The following CHRNG variants were observed in gnomAD, a reference collection of about 807,000 sequenced individuals.
CHRNG encodes the protein acetylcholine receptor subunit gamma.
A neutral mutation model predicts 65.2 loss-of-function variants in CHRNG; 72 were observed. The ratio of observed to expected loss-of-function variants is 1.10; its 90% CI spans 0.91 to 1.34. The LOEUF (loss-of-function observed/expected upper bound fraction) is 1.34. Among genes scored for constraint, CHRNG ranks in the 40% most tolerant of loss-of-function variants. The pLI is 0.00. For missense variants in CHRNG, 637 were observed against 680.1 expected, an observed-to-expected ratio of 0.94 and a Z score of 0.70; for synonymous variants, 284 against 290.2, an observed-to-expected ratio of 0.98 and a Z score of 0.22.
Position 232,544,586 on chromosome 2 carries a change from A to AC in CHRNG, c.1249+7dup. The AC allele has an allele frequency of 6.2e-7, 1 of 1,609,180 alleles. No individual in the cohort carries two copies. The highest frequency in any genetic ancestry group is 8.5e-7 in the Non-Finnish European group (1 of 1,176,428). ...GGCAGCGCTGGAGAAGCTAGGTGAG[A>AC]CACACCAGGTGTGCCTGGGGACAGT... On this transcript the variant is annotated splice_region_variant and intron_variant, in intron 10 of 11. Transcript: ENST00000651502.
In CHRNG at chr2:232,547,351, T is replaced by C. The variant is rs1179722176; in HGVS notation, c.*1635T>C. On this transcript the variant is annotated 3_prime_UTR_variant, in exon 12 of 12. Coordinates refer to ENST00000651502, the MANE Select transcript of CHRNG (RefSeq NM_005199.5). ...GAGGATCGCTTGAGCCCAGGAGGTC[T>C]AGGCTGCAGTGAGCTGTGATCATGT... Among the ~76,000 whole-genome samples the C allele has an allele frequency of 1.3e-5, 2 of 152,050 alleles. No individual in the cohort carries two copies. Among genetic ancestry groups the C allele is most frequent in the African/African-American group, 4.8e-5 (2 of 41,398 alleles).
rs1316198493 is a variant in CHRNG at position 232,547,845 on chromosome 2, C to T, written c.*2129C>T. On this transcript the variant is annotated 3_prime_UTR_variant, in exon 12 of 12. Coordinates refer to ENST00000651502, the MANE Select transcript of CHRNG (RefSeq NM_005199.5). ...ATAAACACTCAAATGTTAACATTAGCTGCCATTACTATAAGTTACTGTCTC... is the reference window on the plus strand; with the variant it reads ...ATAAACACTCAAATGTTAACATTAGTTGCCATTACTATAAGTTACTGTCTC... 3.1e-6 allele frequency: 1 copy of T among 325,870 alleles called. No homozygotes were observed. The highest frequency in any genetic ancestry group is 5.5e-6 in the Non-Finnish European group (1 of 180,568). The allele number at this position is 325,870 out of a possible 1,614,324, so 20.2% of individuals were successfully genotyped here.
rs886263350 is a variant in CHRNG, at chr2:232,541,604, G to T, written c.506+75G>T. On this transcript the variant is annotated intron_variant, in intron 5 of 11. Coordinates refer to ENST00000651502, the MANE Select transcript of CHRNG (RefSeq NM_005199.5). This position sits in a 1 kb window ranked among gnomAD's most constrained non-coding sequence, Gnocchi z 4.0. ...TGGGCAGTGGTGGGGTAAGGCCTGG[G>T]CAAGGCTTCTGGCCTTGGCTCTGGC... is the stretch of plus-strand genomic sequence containing the variant. 4 of 1,563,528 alleles carry T rather than the reference G, an allele frequency of 2.6e-6. No homozygotes were observed. In the African/African-American group the frequency reaches 5.4e-5, roughly 21 times the overall value.
rs1692064970 is a variant in CHRNG at position 232,543,636 on chromosome 2, G to A, written c.972G>A (p.Val324=). 2 of 1,613,892 alleles carry A rather than the reference G, an allele frequency of 1.2e-6. No individual in the cohort carries two copies. Among genetic ancestry groups the A allele is most frequent in the Non-Finnish European group, 1.7e-6 (2 of 1,179,940 alleles). Residue 324 remains valine (V), a synonymous_variant, in exon 9 of 12, where the codon GTG becomes GTA. Transcript: ENST00000651502. ...CCATCCTCATTGTCGTGAATGCTGT[G>A]GTTGTGCTCAATGTCTCCTTGCGGT... The part of the protein sequence containing the change: ...VVTILIVVNA[V]VVLNVSLRSP...
In CHRNG at chr2:232,542,470, A is replaced by G. The variant is rs1692037762; in HGVS notation, c.554A>G (p.Glu185Gly). The change falls in exon 6 of 12, where the codon GAA (glutamate) becomes GGA (glycine). Residue 185 changes from glutamate to glycine, a missense_variant. By Grantham distance (98) the Glu-to-Gly change is moderately conservative (BLOSUM62 -2). Coordinates refer to ENST00000651502, the MANE Select transcript of CHRNG (RefSeq NM_005199.5). ...GAGATTGATCTGCAGCTGAGTCAGG[A>G]AGATGGCCAGACCATCGAGTGGATT... ...TNEIDLQLSQ[E>G]DGQTIEWIFI... 1 of 1,613,966 alleles carries G rather than the reference A, an allele frequency of 6.2e-7. No homozygotes were observed. Among genetic ancestry groups the G allele is most frequent in the Non-Finnish European group, 8.5e-7 (1 of 1,179,990 alleles).
chr2:232,545,883 G>C lies in CHRNG; in HGVS notation c.*167G>C. On this transcript the variant is annotated 3_prime_UTR_variant, in exon 12 of 12. Transcript: ENST00000651502. ...AAAGCTGGGGAAACAGTCTGAGCTG[G>C]AGTCCGAGAGTGGTTGGGGGTGGGC... 1 of 799,508 alleles carries C rather than the reference G, an allele frequency of 1.3e-6. No homozygotes were observed. The highest frequency in any genetic ancestry group is 2.1e-6 in the Non-Finnish European group (1 of 480,300). 49.5% of individuals were successfully genotyped at this position (799,508 alleles called of 1,614,324 possible). A position where few individuals can be genotyped will look rare whatever the true frequency, so the allele number is the denominator to read the frequency against.
intron 9 of CHRNG, among the ~76,000 whole-genome samples, chr2:232,543,944 G>A (rs1692071709): frequency 6.6e-6 from 1 of 152,226 alleles, no homozygotes; most frequent in Non-Finnish European, 1.5e-5. Context: ...TTACAGATGA[G>A]GACGTTGAGG....
chr2:232,539,934 G>A (rs1691978999), intron 1 of CHRNG, 58 bp from the exon 2 acceptor site: 26 of 1,612,866 alleles, frequency 1.6e-5, no homozygotes, highest in Non-Finnish European at 2.2e-5. Context: ...ACACCCCCAG[G>A]GCCTCCCCGC....
chr2:232,540,460 G>A lies in CHRNG; in HGVS notation c.240+35G>A, dbSNP rs1244346394. ...CACCCTGCCACCCTCCTTCCATCAG[G>A]GGTCCCACCCCACCACCCCAAGGCC... On this transcript the variant is annotated intron_variant, in intron 3 of 11. Coordinates refer to ENST00000651502, the MANE Select transcript of CHRNG (RefSeq NM_005199.5). The surrounding 1 kb of genome is among the most constrained non-coding windows in gnomAD (Gnocchi z 4.2). The A allele has an allele frequency of 3.7e-6, 6 of 1,612,096 alleles. No individual in the cohort carries two copies. The highest frequency in any genetic ancestry group is 5.1e-6 in the Non-Finnish European group (6 of 1,179,598).
In CHRNG at chr2:232,541,264, G is replaced by T. The variant is rs1692009393; in HGVS notation, c.351-110G>T. ...AGTCAGGGGGTGACAGGCTGGTAGGGACTGGTGTCCCCAGGCCCCTATCCA... is the reference window on the plus strand; with the variant it reads ...AGTCAGGGGGTGACAGGCTGGTAGGTACTGGTGTCCCCAGGCCCCTATCCA... On this transcript the variant is annotated intron_variant, in intron 4 of 11. Transcript: ENST00000651502. This position sits in a 1 kb window ranked among gnomAD's most constrained non-coding sequence, Gnocchi z 4.0. 7.3e-7 allele frequency: 1 copy of T among 1,368,690 alleles called. No homozygotes were observed. Among genetic ancestry groups the T allele is most frequent in the African/African-American group, 1.4e-5 (1 of 70,136 alleles). 84.8% of individuals were successfully genotyped at this position (1,368,690 alleles called of 1,614,324 possible). A position where few individuals can be genotyped will look rare whatever the true frequency, so the allele number is the denominator to read the frequency against.
At position 232,540,047 on chromosome 2, in the gene CHRNG, C is replaced by G. The variant is rs1376636671; in HGVS notation, c.111C>G (p.Tyr37Ter). The change falls in exon 2 of 12, where the codon TAC becomes TAG. Residue 37 changes from tyrosine to a stop codon, truncating the protein, a stop_gained. Transcript: ENST00000651502. LOFTEE classifies it high-confidence loss of function. The surrounding 1 kb of genome is among the most constrained non-coding windows in gnomAD (Gnocchi z 4.2). The part of the protein sequence containing the change: ...ERLLADLMQN[Y>*]DPNLRPAERD... ...TGCTCGCAGACCTGATGCAAAACTA[C>G]GACCCCAACCTGCGGCCCGCGGAAC... is the stretch of plus-strand genomic sequence containing the variant. The G allele has an allele frequency of 6.2e-7, 1 of 1,614,220 alleles. No individual in the cohort carries two copies. The highest frequency in any genetic ancestry group is 2.2e-5 in the East Asian group (1 of 44,884).
chr2:232,541,998 G>A lies in CHRNG; in HGVS notation c.507-425G>A, dbSNP rs568900316. The A allele has an allele frequency of 3.2e-6, 1 of 313,876 alleles. No homozygotes were observed. The highest frequency in any genetic ancestry group is 8.0e-5 in the East Asian group (1 of 12,536). The allele number at this position is 313,876 out of a possible 1,614,324, so 19.4% of individuals were successfully genotyped here. A position where few individuals can be genotyped will look rare whatever the true frequency, so the allele number is the denominator to read the frequency against. On this transcript the variant is annotated intron_variant, in intron 5 of 11. Transcript: ENST00000651502. This position sits in a 1 kb window ranked among gnomAD's most constrained non-coding sequence, Gnocchi z 4.0. ...CCTCAAACCTAAGTGTGGGGAGGAG[G>A]GCCCGGGGGAGGGTTCTCCTGTACC...
Position 232,541,634 on chromosome 2 carries a change from C to A in CHRNG, c.506+105C>A. 1 of 1,386,980 alleles carries A rather than the reference C, an allele frequency of 7.2e-7. No individual in the cohort carries two copies. 85.9% of individuals were successfully genotyped at this position (1,386,980 alleles called of 1,614,324 possible). ...GCTTCTGGCCTTGGCTCTGGCAGCA[C>A]CTAGAGGCCTGGCTCCATCTCCCCT... On this transcript the variant is annotated intron_variant, in intron 5 of 11. Transcript: ENST00000651502. This position sits in a 1 kb window ranked among gnomAD's most constrained non-coding sequence, Gnocchi z 4.0.
In CHRNG at chr2:232,543,262, C is replaced by T. The variant is rs375760045; in HGVS notation, c.806-13C>T. 122 of 1,609,602 alleles carry T rather than the reference C, an allele frequency of 7.6e-5. 1 individual carries two copies. The highest frequency in any genetic ancestry group is 8.8e-5 in the Non-Finnish European group (103 of 1,176,154). Reference sequence around the variant, plus strand: ...GTAGGAACCTGCTCTGAGAGCCTCTCGGTCATGGATAGCTGGGGGCCAGAA... The same window carrying T: ...GTAGGAACCTGCTCTGAGAGCCTCTTGGTCATGGATAGCTGGGGGCCAGAA... On this transcript the variant is annotated splice_polypyrimidine_tract_variant and intron_variant, in intron 7 of 11. Coordinates refer to ENST00000651502, the MANE Select transcript of CHRNG (RefSeq NM_005199.5).
chr2:232,544,573 G>C lies in CHRNG; in HGVS notation c.1242G>C (p.Glu414Asp). 1 of 1,612,706 alleles carries C rather than the reference G, an allele frequency of 6.2e-7. No individual in the cohort carries two copies. The highest frequency in any genetic ancestry group is 8.5e-7 in the Non-Finnish European group (1 of 1,179,424). Residue 414 changes from glutamate (E) to aspartate (D), a missense_variant, in exon 10 of 12, where the codon GAG becomes GAC. Glu to Asp is a conservative substitution (Grantham distance 45). Transcript: ENST00000651502. The part of the protein sequence containing the change: ...QRQGLVAAAL[E>D]KLEKGPELGL... ...AAGGGCTGGTGGCGGCAGCGCTGGA[G>C]AAGCTAGGTGAGACACACCAGGTGT...
rs187560207 is a variant in CHRNG at position 232,547,675 on chromosome 2, G to C, written c.*1959G>C. 6.6e-6 allele frequency among the ~76,000 whole-genome samples: 1 copy of C among 152,172 alleles called. No individual in the cohort carries two copies. The highest frequency in any genetic ancestry group is 2.4e-5 in the African/African-American group (1 of 41,444). ...AGAACTAGAGGAGTTAGGGAGAGTG[G>C]GGGAGAACTTCAATCAGGGAGGGAA... On this transcript the variant is annotated 3_prime_UTR_variant, in exon 12 of 12. Transcript: ENST00000651502.
intron 10 of CHRNG, 52 bp downstream of exon 10, chr2:232,544,632 G>A (rs1360915844): frequency 6.3e-7 from 1 of 1,577,590 alleles, no homozygotes; most frequent in Non-Finnish European, 8.7e-7. Context: ...GACCCCAGCT[G>A]GGGAGCCAGG....
intron 9 of CHRNG, among the ~76,000 whole-genome samples, chr2:232,544,146 G>C (rs1692075788): frequency 6.6e-6 from 1 of 152,194 alleles, no homozygotes; most frequent in African/African-American, 2.4e-5. Flanking sequence ...TGAGGGCTGG[G>C]GGCAGGAATC....
In CHRNG at chr2:232,540,226, C is replaced by T. The variant is rs1691988332; in HGVS notation, c.195+95C>T. ...CTCCAGCCACCAAGAGGTTGGAGGG[C>T]CCTAAATCGGACAGGCTGGGGTCTG... On this transcript the variant is annotated intron_variant, in intron 2 of 11. Transcript: ENST00000651502. This position sits in a 1 kb window ranked among gnomAD's most constrained non-coding sequence, Gnocchi z 4.2. The T allele has an allele frequency of 6.2e-7, 1 of 1,606,976 alleles. No homozygotes were observed. The highest frequency in any genetic ancestry group is 1.3e-5 in the African/African-American group (1 of 74,832).
Sources: allele counts gnomAD v4.1 joint callset (sites outside exome capture counted in the v4.1 genomes callset), GRCh38; gene constraint gnomAD v4.1.1; non-coding constraint Gnocchi (gnomAD v3.1); transcripts MANE v1.5; gene names NCBI Gene and HGNC (gene_info 2026-07-23, HGNC 2026-07-21).